The following ST8SIA1 variants were observed in gnomAD, a reference collection of about 807,000 sequenced individuals.
The protein encoded by ST8SIA1 is alpha-N-acetylneuraminide alpha-2,8-sialyltransferase.
Under a neutral mutation model 35.9 loss-of-function variants are expected in ST8SIA1, and 16 were observed. That is an observed-to-expected ratio of 0.45 (90% CI 0.30 to 0.68). The LOEUF (loss-of-function observed/expected upper bound fraction) is 0.68. Among genes scored for constraint, ST8SIA1 ranks in the 30% least tolerant of loss-of-function variants. ST8SIA1 has a pLI of 0.09. For synonymous variants in ST8SIA1, 170 were observed against 169.6 expected, an observed-to-expected ratio of 1.00 and a Z score of -0.02; for missense variants, 383 against 453.6, an observed-to-expected ratio of 0.84 and a Z score of 1.41.
intron 4 of ST8SIA1, among the ~76,000 whole-genome samples, chr12:22,209,013 T>C (rs1228041718): frequency 1.3e-5 from 2 of 151,656 alleles, no homozygotes; most frequent in Admixed American, 6.6e-5. Flanking sequence ...TAAAAGAAAA[T>C]AGGAGAAAAT....
At chr12:22,213,766 A>G (rs1415067959) in intron 4 of ST8SIA1, among the ~76,000 whole-genome samples, 1 of 152,214 alleles carries the variant, frequency 6.6e-6, no homozygotes, top group Non-Finnish European at 1.5e-5. Context: ...ATGAAAACAC[A>G]TTAGCATGTG....
intron 4 of ST8SIA1, among the ~76,000 whole-genome samples, chr12:22,205,360 C>A (rs1482345711): frequency 6.6e-6 from 1 of 151,572 alleles, no homozygotes; most frequent in African/African-American, 2.4e-5. Context: ...TGAAGATCAG[C>A]CCATGAATTA....
chr12:22,231,706 T>C (rs1207152111), intron 4 of ST8SIA1, among the ~76,000 whole-genome samples: 3 of 152,046 alleles, frequency 2.0e-5, no homozygotes, highest in Non-Finnish European at 4.4e-5. Context: ...CCCGAGTAGC[T>C]GGGACTACAG....
intron 4 of ST8SIA1, among the ~76,000 whole-genome samples, chr12:22,229,118 C>A: frequency 6.9e-6 from 1 of 144,824 alleles, no homozygotes; most frequent in South Asian, 2.2e-4. Context: ...ATTTTAAAGA[C>A]AAATCTATAC....
rs776477304 is a variant in ST8SIA1, at chr12:22,201,749, T to C, written c.874A>G (p.Ile292Val). 7.4e-6 allele frequency: 12 copies of C among 1,614,024 alleles called. No individual in the cohort carries two copies. The highest frequency in any genetic ancestry group is 1.7e-5 in the Admixed American group (1 of 59,984). ...AALGLCEEVA[I>V]YGFWPFSVNM... ...ACAGAGAAGGGCCAGAAGCCATAGA[T>C]GGCCACCTCTTCACAGAGACCCAGA... Residue 292 changes from isoleucine (I) to valine (V), a missense_variant, in exon 5 of 5, where the codon ATC becomes GTC. Transcript: ENST00000396037.
intron 4 of ST8SIA1, among the ~76,000 whole-genome samples, chr12:22,219,547 CT>C (rs1169065178): frequency 2.6e-5 from 4 of 152,190 alleles, no homozygotes; most frequent in Non-Finnish European, 5.9e-5. Context: ...TTCCACTCAC[CT>C]TGCCTTTGGT....
rs548010991 is a variant in ST8SIA1 at position 22,237,637 on chromosome 12, A to G, written c.584+11369T>C. ...AATATCTTTGTATAGTATACCATCA[A>G]TATGGATATATCATAAGTTACAAAA... On this transcript the variant is annotated intron_variant, in intron 4 of 4. Transcript: ENST00000396037. 1.1e-3 allele frequency among the ~76,000 whole-genome samples: 166 copies of G among 151,902 alleles called. 1 individual carries two copies. Among genetic ancestry groups the G allele is most frequent in the Admixed American group, 3.3e-3 (50 of 15,258 alleles).
chr12:22,267,678 C>A (rs1004124223), intron 2 of ST8SIA1, among the ~76,000 whole-genome samples: 1 of 152,094 alleles, frequency 6.6e-6, no homozygotes, highest in African/African-American at 2.4e-5. Flanking sequence ...ATCGTCTACC[C>A]TTTTTTCACA....
At chr12:22,302,082 C>G (rs1866325482) in intron 1 of ST8SIA1, among the ~76,000 whole-genome samples, 1 of 152,120 alleles carries the variant, frequency 6.6e-6, no homozygotes, top group Non-Finnish European at 1.5e-5. Flanking sequence ...AAACTGGAGA[C>G]AGAAAAATTA....
intron 2 of ST8SIA1, among the ~76,000 whole-genome samples, chr12:22,285,147 C>A (rs1253905088): frequency 6.6e-6 from 1 of 152,194 alleles, no homozygotes; most frequent in African/African-American, 2.4e-5. Context: ...TGGACTTCTT[C>A]GCAACTAGTG....
intron 1 of ST8SIA1, among the ~76,000 whole-genome samples, chr12:22,315,730 G>C (rs1866510016): frequency 6.8e-6 from 1 of 147,822 alleles, no homozygotes; most frequent in African/African-American, 2.5e-5. Flanking sequence ...AGAGTAGTTA[G>C]GGCAAGCAAA....
At chr12:22,276,566 G>A (rs7962240) in intron 2 of ST8SIA1, among the ~76,000 whole-genome samples, 14,077 of 152,048 alleles carry the variant, frequency 0.093, 803 homozygotes, top group East Asian at 0.15. Context: ...CAGGACCACA[G>A]TGTCTTTATT....
intron 4 of ST8SIA1, among the ~76,000 whole-genome samples, chr12:22,211,909 C>T (rs937409216): frequency 1.4e-4 from 21 of 152,060 alleles, no homozygotes; most frequent in African/African-American, 4.6e-4. Context: ...CAGGGTTTCG[C>T]CAAGTTGGCC....
At chr12:22,233,929 T>A (rs930386135) in intron 4 of ST8SIA1, among the ~76,000 whole-genome samples, 3 of 151,930 alleles carry the variant, frequency 2.0e-5, no homozygotes, top group Admixed American at 2.0e-4. Context: ...AATTGGCAGA[T>A]TTTTTTGTTT....
Position 22,201,632 on chromosome 12 carries a change from G to A in ST8SIA1, c.991C>T (p.Leu331Phe). ...GCACCGATTTTATGAAGATACCAGA[G>A]TTGGAGAAATTCCTCGGGCATGGCA... ...FHAMPEEFLQ[L>F]WYLHKIGALR... is the part of the protein sequence containing the mutation. The change falls in exon 5 of 5, where the codon CTC (leucine) becomes TTC (phenylalanine). Residue 331 changes from leucine (L) to phenylalanine (F), a missense_variant. Coordinates refer to ENST00000396037, the MANE Select transcript of ST8SIA1 (RefSeq NM_003034.4). 1.2e-6 allele frequency: 2 copies of A among 1,614,110 alleles called. No homozygotes were observed. Among genetic ancestry groups the A allele is most frequent in the Non-Finnish European group, 1.7e-6 (2 of 1,179,990 alleles).
chr12:22,239,232 G>A (rs556652881), intron 4 of ST8SIA1, among the ~76,000 whole-genome samples: 103 of 152,070 alleles, frequency 6.8e-4, no homozygotes, highest in African/African-American at 2.4e-3. Flanking sequence ...TTGTGTTTTG[G>A]ATCACATTAC....
Position 22,194,681 on chromosome 12 carries a change from G to A in ST8SIA1, c.*6871C>T, listed in dbSNP as rs1262261406. 1.3e-5 allele frequency: 2 copies of A among 152,164 alleles called. No individual in the cohort carries two copies. The highest frequency in any genetic ancestry group is 2.9e-5 in the Non-Finnish European group (2 of 68,040). 9.4% of individuals were successfully genotyped at this position (152,164 alleles called of 1,614,324 possible). ...AGAAAATGCATCTAAGTCAGCTTAA[G>A]TAATCATGGATACAAAAGCCTGTTA... On this transcript the variant is annotated 3_prime_UTR_variant, in exon 5 of 5. Coordinates refer to ENST00000396037, the MANE Select transcript of ST8SIA1 (RefSeq NM_003034.4).
At chr12:22,290,868 G>C (rs1442360583) in intron 1 of ST8SIA1, among the ~76,000 whole-genome samples, 1 of 152,082 alleles carries the variant, frequency 6.6e-6, no homozygotes, top group East Asian at 1.9e-4. Flanking sequence ...TTCTTTTGTG[G>C]CAGACAATAA....
chr12:22,332,106 G>A (rs1866774989), intron 1 of ST8SIA1, among the ~76,000 whole-genome samples: 1 of 152,128 alleles, frequency 6.6e-6, no homozygotes, highest in African/African-American at 2.4e-5. Context: ...CTACTCTGAA[G>A]CTCAAACTTA....
Sources: allele counts gnomAD v4.1 joint callset (sites outside exome capture counted in the v4.1 genomes callset), GRCh38; gene constraint gnomAD v4.1.1; transcripts MANE v1.5; gene names NCBI Gene and HGNC (gene_info 2026-07-23, HGNC 2026-07-21).